The following SPOCK1 variants were observed in gnomAD, a reference collection of about 807,000 sequenced individuals.
SPOCK1 encodes the protein testican-1.
Under a neutral mutation model 55.3 loss-of-function variants are expected in SPOCK1, and 23 were observed. The observed-to-expected ratio is 0.42, with a 90% CI of 0.30 to 0.59. The LOEUF (loss-of-function observed/expected upper bound fraction) is 0.59, where lower values mean the gene tolerates loss of function less well. Among genes scored for constraint, SPOCK1 ranks in the 20% least tolerant of loss-of-function variants. The probability of loss-of-function intolerance (pLI) is 0.22; values close to 1 mark genes in which losing one functional copy is unlikely to be tolerated. For missense variants in SPOCK1, 499 were observed against 552.5 expected (o/e 0.90, Z 0.97); for synonymous variants, 226 against 221.0 (o/e 1.02, Z -0.20).
At chr5:137,456,759 G>T (rs1312586589) in intron 2 of SPOCK1, among the ~76,000 whole-genome samples, 3 of 152,016 alleles carry the variant, frequency 2.0e-5, no homozygotes, top group Admixed American at 2.0e-4. Flanking sequence ...TGGATACCGT[G>T]GTAGACTGAA....
At chr5:137,295,986 A>G (rs1002085093) in intron 2 of SPOCK1, among the ~76,000 whole-genome samples, 1 of 152,140 alleles carries the variant, frequency 6.6e-6, no homozygotes, top group African/African-American at 2.4e-5. Context: ...GTGAGGTGTC[A>G]GGAGGTAGAG....
rs1751027000 is a variant in SPOCK1 at position 136,995,646 on chromosome 5, T to A, written c.590-3046A>T. Reference sequence around the variant, plus strand: ...TCTCTGAACAGAGAAAATTGCCAAGTCAACATGCAGAGGAAATCTCATGCT... The same window carrying A: ...TCTCTGAACAGAGAAAATTGCCAAGACAACATGCAGAGGAAATCTCATGCT... On this transcript the variant is annotated intron_variant, in intron 6 of 10. Coordinates refer to ENST00000394945, the MANE Select transcript of SPOCK1 (RefSeq NM_004598.4). Among the ~76,000 whole-genome samples, 6 of 152,298 alleles carry A rather than the reference T, an allele frequency of 3.9e-5. No individual in the cohort carries two copies. In the Middle Eastern group the frequency reaches 0.017, roughly 432 times the overall value.
intron 2 of SPOCK1, among the ~76,000 whole-genome samples, chr5:137,354,063 C>A (rs529576875): frequency 2.2e-4 from 34 of 152,268 alleles, no homozygotes; most frequent in African/African-American, 7.5e-4. Context: ...ACGTTCTGAC[C>A]CTCAGAAGCT....
chr5:137,281,766 T>C (rs1757169408), intron 2 of SPOCK1, among the ~76,000 whole-genome samples: 1 of 152,178 alleles, frequency 6.6e-6, no homozygotes, highest in Non-Finnish European at 1.5e-5. Context: ...CTGTCAGGGC[T>C]GCCTGCTGGA....
At chr5:137,091,357 G>A (rs1400552566) in intron 5 of SPOCK1, among the ~76,000 whole-genome samples, 1 of 152,166 alleles carries the variant, frequency 6.6e-6, no homozygotes, top group African/African-American at 2.4e-5. Flanking sequence ...AACCCCAAGG[G>A]TTATGCTAGC....
intron 2 of SPOCK1, among the ~76,000 whole-genome samples, chr5:137,342,893 C>T (rs1027120630): frequency 7.2e-5 from 11 of 152,214 alleles, no homozygotes; most frequent in African/African-American, 2.2e-4. Flanking sequence ...TTCAGAAGTA[C>T]AATATCTATA....
intron 2 of SPOCK1, among the ~76,000 whole-genome samples, chr5:137,445,762 A>G (rs560866495): frequency 3.5e-4 from 53 of 152,340 alleles, no homozygotes; most frequent in Middle Eastern, 3.4e-3. Context: ...CAACTGACAT[A>G]GGACTTCAGA....
At chr5:137,233,930 T>C (rs1756124017) in intron 3 of SPOCK1, among the ~76,000 whole-genome samples, 1 of 152,090 alleles carries the variant, frequency 6.6e-6, no homozygotes, top group Non-Finnish European at 1.5e-5. Context: ...TTTCCAGTAC[T>C]AGGATGAATA....
At chr5:137,424,572 C>T (rs900362098) in intron 2 of SPOCK1, among the ~76,000 whole-genome samples, 4 of 152,184 alleles carry the variant, frequency 2.6e-5, no homozygotes, top group Non-Finnish European at 4.4e-5. Context: ...CTCATGACAA[C>T]CCTACTCATA....
At chr5:137,312,601 GC>G (rs1184284642) in intron 2 of SPOCK1, among the ~76,000 whole-genome samples, 1 of 152,158 alleles carries the variant, frequency 6.6e-6, no homozygotes, top group Non-Finnish European at 1.5e-5. Flanking sequence ...AAGTGCCAAT[GC>G]AGGAGCCCAC....
chr5:137,315,557 T>C (rs1380801769), intron 2 of SPOCK1, among the ~76,000 whole-genome samples: 1 of 152,230 alleles, frequency 6.6e-6, no homozygotes, highest in Non-Finnish European at 1.5e-5. Flanking sequence ...GAGACCTCCA[T>C]GCCAGGACAT....
intron 2 of SPOCK1, among the ~76,000 whole-genome samples, chr5:137,485,800 C>T (rs552438902): frequency 2.1e-3 from 314 of 152,222 alleles, no homozygotes; most frequent in Non-Finnish European, 3.7e-3. Flanking sequence ...CATACTTATT[C>T]CATTTATACA....
intron 4 of SPOCK1, among the ~76,000 whole-genome samples, chr5:137,130,909 C>G (rs1201518793): frequency 1.3e-5 from 2 of 152,246 alleles, no homozygotes; most frequent in African/African-American, 4.8e-5. Context: ...TAACTTTCAT[C>G]TCTCCTGGCC....
intron 2 of SPOCK1, among the ~76,000 whole-genome samples, chr5:137,372,500 G>A (rs953848576): frequency 1.1e-4 from 17 of 152,172 alleles, no homozygotes; most frequent in Middle Eastern, 3.2e-3. Context: ...TGCTAAAAAC[G>A]ACCCCAGGGT....
rs987069495 is a variant in SPOCK1 at position 137,067,869 on chromosome 5, A to G, written c.475-40T>C. ...CACAACAGGTCTTAAGAATGCAGCC[A>G]TAACAGACCCCTACCCCGCCTCCTA... On this transcript the variant is annotated intron_variant, in intron 5 of 10. Coordinates refer to ENST00000394945, the MANE Select transcript of SPOCK1 (RefSeq NM_004598.4). 6 of 1,542,642 alleles carry G rather than the reference A, an allele frequency of 3.9e-6. No homozygotes were observed. In the African/African-American group the frequency reaches 6.8e-5, roughly 17 times the overall value.
rs6149262 is a variant in SPOCK1, at chr5:137,480,303, TCACACACA to T, written c.186+18062_186+18069del. 8.2e-3 allele frequency among the ~76,000 whole-genome samples: 1,146 copies of T among 140,202 alleles called. 7 individuals are homozygous for T. The highest frequency in any genetic ancestry group is 0.01 in the Non-Finnish European group (666 of 64,616). The allele number at this position is 140,202 out of a possible 152,430, so 92.0% of individuals were successfully genotyped here. A position where few individuals can be genotyped will look rare whatever the true frequency, so the allele number is the denominator to read the frequency against. On this transcript the variant is annotated intron_variant, in intron 2 of 10. Transcript: ENST00000394945. Reference sequence around the variant, plus strand: ...CTGCAGCTGTTCACGTTGCTCTCCTTCACACACACACACACACACACACACACACACAC... The same window carrying T: ...CTGCAGCTGTTCACGTTGCTCTCCTTCACACACACACACACACACACACAC...
intron 2 of SPOCK1, among the ~76,000 whole-genome samples, chr5:137,442,357 T>A (rs570848379): frequency 6.6e-6 from 1 of 152,328 alleles, no homozygotes; most frequent in East Asian, 1.9e-4. Context: ...AGAGAGTAAC[T>A]GGGAAGGCCA....
At chr5:137,238,631 G>A (rs916305421) in intron 3 of SPOCK1, among the ~76,000 whole-genome samples, 1 of 152,162 alleles carries the variant, frequency 6.6e-6, no homozygotes, top group Non-Finnish European at 1.5e-5. Context: ...AATATTAATA[G>A]AGCTCACGTA....
chr5:137,118,273 T>C (rs1411704503), intron 4 of SPOCK1, among the ~76,000 whole-genome samples: 1 of 152,236 alleles, frequency 6.6e-6, no homozygotes, highest in African/African-American at 2.4e-5. Flanking sequence ...CAACTCTCCA[T>C]GAGTGGCTGA....
Sources: gnomAD v4.1 joint callset for allele counts (sites outside exome capture counted in the v4.1 genomes callset) on GRCh38, gnomAD v4.1.1 for gene constraint, MANE v1.5 for transcripts, NCBI Gene and HGNC (gene_info 2026-07-23, HGNC 2026-07-21) for gene names.